The following MAML3 variants were observed in gnomAD, a reference collection of about 807,000 sequenced individuals.
MAML3 encodes mastermind-like protein 3.
Under a neutral mutation model 101.9 loss-of-function variants are expected in MAML3, and 27 were observed. The observed-to-expected ratio is 0.27, with a 90% CI of 0.20 to 0.37. The LOEUF is 0.37. Among genes scored for constraint, MAML3 ranks in the 10% least tolerant of loss-of-function variants. The pLI, the probability that MAML3 is intolerant of heterozygous loss-of-function variation, is 1.00. For synonymous variants in MAML3, 501 were observed against 555.9 expected (o/e 0.90, Z 1.39); for missense variants, 1,316 against 1,444.9 (o/e 0.91, Z 1.45).
intron 2 of MAML3, among the ~76,000 whole-genome samples, chr4:139,762,937 A>C (rs1729784801): frequency 6.6e-6 from 1 of 152,140 alleles, no homozygotes; most frequent in South Asian, 2.1e-4. Flanking sequence ...TCTATGTGCC[A>C]AAGTTAGGCT....
At chr4:139,978,854 C>T (rs567810195) in intron 1 of MAML3, among the ~76,000 whole-genome samples, 6 of 152,098 alleles carry the variant, frequency 3.9e-5, no homozygotes, top group Non-Finnish European at 5.9e-5. Context: ...TAGCAGGAAA[C>T]GGATTTGCCA....
chr4:139,922,367 G>A (rs956962272), intron 1 of MAML3, among the ~76,000 whole-genome samples: 4 of 152,042 alleles, frequency 2.6e-5, no homozygotes, highest in South Asian at 2.1e-4. Context: ...TATCAAAGGC[G>A]ATGGAGAGAG....
chr4:140,148,737 T>C (rs1339398030), intron 1 of MAML3, among the ~76,000 whole-genome samples: 1 of 152,228 alleles, frequency 6.6e-6, no homozygotes, highest in Non-Finnish European at 1.5e-5. Flanking sequence ...ATTTCCTGAA[T>C]CTATTCCAGG....
At chr4:140,145,151 A>G (rs180913426) in intron 1 of MAML3, among the ~76,000 whole-genome samples, 110 of 152,274 alleles carry the variant, frequency 7.2e-4, no homozygotes, top group Admixed American at 2.4e-3. Flanking sequence ...GGAGGTGGAG[A>G]AAGATGTTGG....
At chr4:140,149,123 G>GC (rs1174735644) in intron 1 of MAML3, among the ~76,000 whole-genome samples, 3 of 152,124 alleles carry the variant, frequency 2.0e-5, no homozygotes, top group African/African-American at 7.2e-5. Context: ...AATAAACAAT[G>GC]CCCCCTTTTG....
chr4:139,935,431 A>T (rs1190469907), intron 1 of MAML3, among the ~76,000 whole-genome samples: 1 of 152,208 alleles, frequency 6.6e-6, no homozygotes, highest in Non-Finnish European at 1.5e-5. Flanking sequence ...TTCTGCAAAC[A>T]ATACCCAGTA....
At chr4:140,053,599 C>G (rs1403720216) in intron 1 of MAML3, among the ~76,000 whole-genome samples, 1 of 152,124 alleles carries the variant, frequency 6.6e-6, no homozygotes, top group African/African-American at 2.4e-5. Context: ...TACATGCATG[C>G]ACATATTTAT....
At chr4:140,123,173 T>G (rs968714089) in intron 1 of MAML3, among the ~76,000 whole-genome samples, 1 of 150,884 alleles carries the variant, frequency 6.6e-6, no homozygotes, top group Non-Finnish European at 1.5e-5. Flanking sequence ...AGACCACAGC[T>G]ACTTTTCTAC....
intron 1 of MAML3, among the ~76,000 whole-genome samples, chr4:140,123,167 C>T (rs1487291685): frequency 6.6e-6 from 1 of 151,308 alleles, no homozygotes; most frequent in Non-Finnish European, 1.5e-5. Context: ...CATTTCAGAC[C>T]ACAGCTACTT....
chr4:139,950,366 A>G (rs1348931164), intron 1 of MAML3, among the ~76,000 whole-genome samples: 1 of 152,114 alleles, frequency 6.6e-6, no homozygotes, highest in African/African-American at 2.4e-5. Context: ...TTGAATTTCT[A>G]GCCTGGTAGT....
intron 2 of MAML3, among the ~76,000 whole-genome samples, chr4:139,738,478 G>A (rs1729032457): frequency 1.3e-5 from 2 of 152,140 alleles, no homozygotes; most frequent in South Asian, 2.1e-4. Flanking sequence ...GGGAGGCGGA[G>A]GTTGCAGTGA....
At chr4:140,045,993 T>G (rs1727176951) in intron 1 of MAML3, among the ~76,000 whole-genome samples, 1 of 152,238 alleles carries the variant, frequency 6.6e-6, no homozygotes, top group Admixed American at 6.5e-5. Flanking sequence ...ATGAATATTC[T>G]CTATGCTTCC....
chr4:139,962,388 C>T (rs767670568), intron 1 of MAML3, among the ~76,000 whole-genome samples: 1 of 152,164 alleles, frequency 6.6e-6, no homozygotes, highest in Non-Finnish European at 1.5e-5. Flanking sequence ...TTCACCAGAT[C>T]TTGATTATGT....
intron 2 of MAML3, among the ~76,000 whole-genome samples, chr4:139,767,132 A>G (rs963612536): frequency 6.6e-6 from 1 of 152,176 alleles, no homozygotes; most frequent in East Asian, 1.9e-4. Flanking sequence ...CACCACAACA[A>G]CTTTCCAGCG....
intron 2 of MAML3, among the ~76,000 whole-genome samples, chr4:139,857,013 T>A (rs780720673): frequency 6.6e-6 from 1 of 152,132 alleles, no homozygotes; most frequent in Non-Finnish European, 1.5e-5. Context: ...TAAAAGAAGA[T>A]AATTAATTAG....
chr4:139,864,250 T>C lies in MAML3; in HGVS notation c.2079+25107A>G, dbSNP rs1336515840. Among the ~76,000 whole-genome samples, 4 of 152,282 alleles carry C rather than the reference T, an allele frequency of 2.6e-5. No individual in the cohort carries two copies. The East Asian group carries it at 7.7e-4, about 29-fold the overall frequency. ...GCAGAGGCTGCAGGAAGATACAGACTCTGGGCCATGGTGTGGCTCATTCAC... is the reference window on the plus strand; with the variant it reads ...GCAGAGGCTGCAGGAAGATACAGACCCTGGGCCATGGTGTGGCTCATTCAC... On this transcript the variant is annotated intron_variant, in intron 2 of 4. Coordinates refer to ENST00000509479, the MANE Select transcript of MAML3 (RefSeq NM_018717.5).
At chr4:139,797,512 C>T (rs1730531468) in intron 2 of MAML3, among the ~76,000 whole-genome samples, 1 of 151,778 alleles carries the variant, frequency 6.6e-6, no homozygotes. Context: ...AATCCAAACA[C>T]CACATCCTTG....
intron 2 of MAML3, 106 bp from the exon 3 acceptor site, chr4:139,730,773 T>A (rs899096867): frequency 1.9e-6 from 2 of 1,055,574 alleles, no homozygotes; most frequent in Non-Finnish European, 2.7e-6. Flanking sequence ...TCCCAGCTTA[T>A]GGACTGGAGG....
At chr4:139,869,136 A>G (rs146956137) in intron 2 of MAML3, among the ~76,000 whole-genome samples, 222 of 152,348 alleles carry the variant, frequency 1.5e-3, no homozygotes, top group African/African-American at 4.9e-3. Flanking sequence ...AGATAGATTG[A>G]CAAGCCTGAT....
Sources: allele counts gnomAD v4.1 joint callset (sites outside exome capture counted in the v4.1 genomes callset), GRCh38; gene constraint gnomAD v4.1.1; transcripts MANE v1.5; gene names NCBI Gene and HGNC (gene_info 2026-07-23, HGNC 2026-07-21).